The following CNTNAP2 variants were observed in gnomAD, a reference collection of about 807,000 sequenced individuals.
CNTNAP2 encodes contactin associated protein 2.
In CNTNAP2, 98 loss-of-function variants were observed where a neutral mutation model predicts 155.2. That is an observed-to-expected ratio of 0.63 (90% CI 0.54 to 0.75). The LOEUF is 0.75. Ranked by LOEUF, CNTNAP2 falls within the 30% of genes least tolerant of loss-of-function variation. The pLI is 0.00. For synonymous variants in CNTNAP2, 651 were observed against 631.2 expected, an observed-to-expected ratio of 1.03 and a Z score of -0.47; for missense variants, 1,727 against 1,688.1, an observed-to-expected ratio of 1.02 and a Z score of -0.40.
intron 1 of CNTNAP2, among the ~76,000 whole-genome samples, chr7:146,362,991 G>A (rs1387774495): frequency 1.3e-5 from 2 of 151,826 alleles, no homozygotes; most frequent in Non-Finnish European, 2.9e-5. Context: ...GGATAGTGTC[G>A]ATCTCTTGAC....
chr7:147,255,947 G>A, intron 8 of CNTNAP2, among the ~76,000 whole-genome samples: 1 of 150,856 alleles, frequency 6.6e-6, no homozygotes, highest in East Asian at 2.0e-4. Context: ...CACTACATTG[G>A]CCAGGCTGGT....
chr7:147,300,306 C>T lies in CNTNAP2; in HGVS notation c.1498+16C>T. On this transcript the variant is annotated intron_variant, in intron 9 of 23. Transcript: ENST00000361727. ...TTTTTTGGAGGTAAGAATGCCATTC[C>T]TTTTTGGTTACTAATCCATTGCAAA... is the stretch of plus-strand genomic sequence containing the variant. 1.9e-6 allele frequency: 3 copies of T among 1,613,476 alleles called. No homozygotes were observed. The highest frequency in any genetic ancestry group is 2.5e-6 in the Non-Finnish European group (3 of 1,179,704).
Position 147,073,093 on chromosome 7 carries a change from C to A in CNTNAP2, c.550+29039C>A, listed in dbSNP as rs1032899625. ...GGTCTCGATCTCCTGACCTCATGAT[C>A]CACCCGCCTCGGCCTCCCAAAGCCT... On this transcript the variant is annotated intron_variant, in intron 4 of 23. Transcript: ENST00000361727. 1.4e-5 allele frequency among the ~76,000 whole-genome samples: 2 copies of A among 146,946 alleles called. 1 individual carries two copies. The highest frequency in any genetic ancestry group is 1.4e-4 in the Admixed American group (2 of 14,592).
chr7:147,178,858 A>T (rs1802401941), intron 8 of CNTNAP2, among the ~76,000 whole-genome samples: 3 of 152,064 alleles, frequency 2.0e-5, no homozygotes, highest in African/African-American at 4.8e-5. Context: ...TATTATTTTT[A>T]AATTTTTTAG....
chr7:147,455,444 T>G (rs1255833623), intron 10 of CNTNAP2, among the ~76,000 whole-genome samples: 1 of 152,136 alleles, frequency 6.6e-6, no homozygotes, highest in African/African-American at 2.4e-5. Context: ...AATTTACTGT[T>G]TTCAGATCAC....
chr7:147,582,089 G>A (rs895722548), intron 12 of CNTNAP2, among the ~76,000 whole-genome samples: 2 of 152,184 alleles, frequency 1.3e-5, no homozygotes, highest in Middle Eastern at 3.4e-3. Flanking sequence ...TTTCATAATA[G>A]CCTCAAGTTT....
At chr7:148,000,220 G>C (rs1453794911) in intron 15 of CNTNAP2, among the ~76,000 whole-genome samples, 3 of 152,122 alleles carry the variant, frequency 2.0e-5, no homozygotes, top group Non-Finnish European at 2.9e-5. Context: ...AGAGAGAAAG[G>C]GTTCTCCTCT....
chr7:146,907,800 A>T (rs928026628), intron 3 of CNTNAP2, among the ~76,000 whole-genome samples: 79 of 152,036 alleles, frequency 5.2e-4, no homozygotes, highest in African/African-American at 1.9e-3. Context: ...ACACATAACA[A>T]TATTAACTTT....
chr7:147,927,995 G>T (rs541949087), intron 14 of CNTNAP2, among the ~76,000 whole-genome samples: 1 of 152,180 alleles, frequency 6.6e-6, no homozygotes, highest in Admixed American at 6.5e-5. Context: ...GGAGGGACCT[G>T]GTGGGAGATC....
intron 2 of CNTNAP2, among the ~76,000 whole-genome samples, chr7:146,811,423 A>C (rs752215263): frequency 6.6e-5 from 10 of 152,138 alleles, no homozygotes; most frequent in Non-Finnish European, 1.2e-4. Flanking sequence ...TTGTTGGCAT[A>C]TAAGAGTTCA....
At chr7:146,238,916 G>T (rs1799517454) in intron 1 of CNTNAP2, among the ~76,000 whole-genome samples, 1 of 152,106 alleles carries the variant, frequency 6.6e-6, no homozygotes. Flanking sequence ...AACAGCATGG[G>T]GGAAACCACG....
chr7:147,492,903 G>A (rs1162773286), intron 11 of CNTNAP2, among the ~76,000 whole-genome samples: 2 of 152,068 alleles, frequency 1.3e-5, no homozygotes, highest in Non-Finnish European at 2.9e-5. Context: ...TTTTAGACAC[G>A]TCATTTAATG....
At position 148,161,830 on chromosome 7, in the gene CNTNAP2, C is replaced by T. The variant is rs552161576; in HGVS notation, c.2774-10412C>T. Among the ~76,000 whole-genome samples, 4 of 152,322 alleles carry T rather than the reference C, an allele frequency of 2.6e-5. No homozygotes were observed. In the East Asian group the frequency reaches 5.8e-4, roughly 22 times the overall value. ...CTTGAAATCTTGACATCAAAACACT[C>T]CAGTCTTCTGTTTTCTCAGCCTCTC... On this transcript the variant is annotated intron_variant, in intron 17 of 23. Transcript: ENST00000361727.
rs545641687 is a variant in CNTNAP2, at chr7:146,821,626, A to C, written c.209-18085A>C. ...CAATGAACTCCAACAAATTTACAAG[A>C]AAAAAACAAACAACCCCATCAAAAA... On this transcript the variant is annotated intron_variant, in intron 2 of 23. Coordinates refer to ENST00000361727, the MANE Select transcript of CNTNAP2 (RefSeq NM_014141.6). 2.0e-5 allele frequency among the ~76,000 whole-genome samples: 3 copies of C among 152,242 alleles called. No individual in the cohort carries two copies. In the East Asian group the frequency reaches 5.8e-4, roughly 29 times the overall value.
intron 1 of CNTNAP2, among the ~76,000 whole-genome samples, chr7:146,505,489 A>G (rs1050860316): frequency 1.3e-5 from 2 of 152,234 alleles, no homozygotes; most frequent in Non-Finnish European, 2.9e-5. Context: ...ATATCTTGCC[A>G]GAGTTACTGG....
chr7:146,927,084 A>G (rs1796623960), intron 3 of CNTNAP2, among the ~76,000 whole-genome samples: 2 of 152,138 alleles, frequency 1.3e-5, no homozygotes, highest in Admixed American at 1.3e-4. Context: ...CTTGGCAGAC[A>G]ACTTACTGTA....
At chr7:146,720,989 G>C (rs186639102) in intron 1 of CNTNAP2, among the ~76,000 whole-genome samples, 7,532 of 96,712 alleles carry the variant, frequency 0.078, 294 homozygotes, top group African/African-American at 0.15. Context: ...TATATATACT[G>C]TATATATATA....
At chr7:146,612,327 GA>G (rs1475089110) in intron 1 of CNTNAP2, among the ~76,000 whole-genome samples, 1 of 152,090 alleles carries the variant, frequency 6.6e-6, no homozygotes. Context: ...TTACAGGTGA[GA>G]ATGACAAGAA....
chr7:146,975,007 A>G (rs1336709371), intron 3 of CNTNAP2, among the ~76,000 whole-genome samples: 1 of 152,188 alleles, frequency 6.6e-6, no homozygotes, highest in Non-Finnish European at 1.5e-5. Context: ...AATAGACAGT[A>G]TATTCACCAG....
Sources: allele counts gnomAD v4.1 joint callset (sites outside exome capture counted in the v4.1 genomes callset), GRCh38; gene constraint gnomAD v4.1.1; transcripts MANE v1.5; gene names NCBI Gene and HGNC (gene_info 2026-07-23, HGNC 2026-07-21).